Variants in NIN observed in about 807,000 individuals in gnomAD.
NIN encodes ninein, also known as glycogen synthase kinase 3 beta-interacting protein.
In NIN, 137 loss-of-function variants were observed where a neutral mutation model predicts 257.6. That is an observed-to-expected ratio of 0.53 (90% CI 0.46 to 0.61). NIN has a LOEUF of 0.61. Ranked by LOEUF, NIN falls within the 20% of genes least tolerant of loss-of-function variation. The probability of loss-of-function intolerance (pLI) is 0.00; values close to 1 mark genes in which losing one functional copy is unlikely to be tolerated. For synonymous variants in NIN, 918 were observed against 919.8 expected (o/e 1.00, Z 0.04); for missense variants, 2,439 against 2,501.2 (o/e 0.98, Z 0.53).
At chr14:50,735,447 T>G in intron 28 of NIN, 69 bp downstream of exon 28, 2 of 1,559,486 alleles carry the variant, frequency 1.3e-6, no homozygotes, top group Non-Finnish European at 1.7e-6. Flanking sequence ...GTCTAGTCTC[T>G]CCCAACAAAT....
intron 5 of NIN, among the ~76,000 whole-genome samples, chr14:50,791,486 C>T (rs925378143): frequency 2.0e-5 from 3 of 150,302 alleles, no homozygotes; most frequent in African/African-American, 7.3e-5. Flanking sequence ...TTGCTTTTCT[C>T]CCTCTCTTCT....
At chr14:50,751,264 G>A (rs35334347) in intron 21 of NIN, among the ~76,000 whole-genome samples, 30,377 of 152,086 alleles carry the variant, frequency 0.2, 3,892 homozygotes, top group South Asian at 0.31. Flanking sequence ...ATATTGTTGC[G>A]GTGGTATCTT....
chr14:50,760,147 T>C lies in NIN; in HGVS notation c.2109A>G (p.Gln703=). Residue 703 remains glutamine, a synonymous_variant, in exon 17 of 31, where the codon CAA becomes CAG. Coordinates refer to ENST00000530997, the MANE Select transcript of NIN (RefSeq NM_020921.4). ...ATCRHEEEKK[Q]LQVKLEEEKT... ...TTTCCTCCTCAAGCTTCACTTGCAG[T>C]TGTTTTTTCTCCTCCTCATGCCTGC... The C allele has an allele frequency of 6.2e-7, 1 of 1,614,204 alleles. No homozygotes were observed. Among genetic ancestry groups the C allele is most frequent in the Non-Finnish European group, 8.5e-7 (1 of 1,180,034 alleles).
chr14:50,722,744 C>T lies in NIN; in HGVS notation c.*719G>A, dbSNP rs1300455480. Reference sequence around the variant, plus strand: ...TGGCTTTATCCGTTTCTTAGAAGACCAGCTCCCCAAATGAAACTTTTAAGA... The same window carrying T: ...TGGCTTTATCCGTTTCTTAGAAGACTAGCTCCCCAAATGAAACTTTTAAGA... On this transcript the variant is annotated 3_prime_UTR_variant, in exon 31 of 31. Coordinates refer to ENST00000530997, the MANE Select transcript of NIN (RefSeq NM_020921.4). 6 of 214,500 alleles carry T rather than the reference C, an allele frequency of 2.8e-5. No individual in the cohort carries two copies. The highest frequency in any genetic ancestry group is 4.7e-5 in the Non-Finnish European group (5 of 106,044). 13.3% of individuals were successfully genotyped at this position (214,500 alleles called of 1,614,324 possible). A position where few individuals can be genotyped will look rare whatever the true frequency, so the allele number is the denominator to read the frequency against.
intron 12 of NIN, among the ~76,000 whole-genome samples, chr14:50,768,192 CAGTATATTTTT>C (rs1186245108): frequency 2.6e-5 from 4 of 151,594 alleles, no homozygotes; most frequent in Admixed American, 2.6e-4. Flanking sequence ...AATACAGAGC[CAGTATATTTTT>C]AGTATATTCT....
intron 27 of NIN, among the ~76,000 whole-genome samples, chr14:50,737,612 C>T (rs936767220): frequency 2.1e-5 from 3 of 141,376 alleles, no homozygotes; most frequent in South Asian, 2.3e-4. Flanking sequence ...TAATTGCCTT[C>T]TTTAAGAAGC....
In NIN at chr14:50,726,028, T is replaced by A. The variant is rs2040396152; in HGVS notation, c.6117A>T (p.Arg2039=). ...QEQLVTVMEE[R]MIEVEQKLKL... is the part of the protein sequence containing the mutation. ...TCAGTTTCTGTTCAACTTCTATCAT[T>A]CGTTCCTCCATGACAGTTACCAGTT... The change falls in exon 30 of 31, where the codon CGA becomes CGT. Residue 2039 remains arginine, a synonymous_variant. Coordinates refer to ENST00000530997, the MANE Select transcript of NIN (RefSeq NM_020921.4). 6.2e-7 allele frequency: 1 copy of A among 1,614,096 alleles called. No individual in the cohort carries two copies.
Position 50,743,319 on chromosome 14 carries a change from C to T in NIN, c.5301+97G>A, listed in dbSNP as rs140153133. ...AATTGAATCATTTGGAACCCTCTTA[C>T]GCTACTTCTACCTGGAACACTCTTT... On this transcript the variant is annotated intron_variant, in intron 24 of 30. Transcript: ENST00000530997. The T allele has an allele frequency of 1.6e-4, 129 of 789,610 alleles. No individual in the cohort carries two copies. The East Asian group carries it at 1.9e-3, about 12-fold the overall frequency. The allele number at this position is 789,610 out of a possible 1,614,324, so 48.9% of individuals were successfully genotyped here. A position where few individuals can be genotyped will look rare whatever the true frequency, so the allele number is the denominator to read the frequency against.
intron 5 of NIN, 110 bp downstream of exon 5, chr14:50,792,602 G>A (rs1030845060): frequency 3.1e-5 from 36 of 1,149,114 alleles, no homozygotes; most frequent in Non-Finnish European, 4.3e-5. Flanking sequence ...TGGTAACTGA[G>A]AAAAGCCCAC....
intron 3 of NIN, among the ~76,000 whole-genome samples, chr14:50,815,188 T>C (rs1397185846): frequency 6.6e-6 from 1 of 152,042 alleles, no homozygotes; most frequent in Non-Finnish European, 1.5e-5. Context: ...CTTAAACACA[T>C]TTACAAGAAA....
intron 4 of NIN, among the ~76,000 whole-genome samples, chr14:50,800,886 G>T (rs1024107459): frequency 6.6e-6 from 1 of 151,588 alleles, no homozygotes; most frequent in Non-Finnish European, 1.5e-5. Flanking sequence ...GGGTTCAACC[G>T]ATTCTTCTGC....
intron 14 of NIN, 148 bp downstream of exon 14, chr14:50,766,159 G>A: frequency 1.6e-6 from 1 of 642,522 alleles, no homozygotes; most frequent in Non-Finnish European, 2.7e-6. Flanking sequence ...TTTGTGGTGG[G>A]TACTTTTATT....
intron 2 of NIN, among the ~76,000 whole-genome samples, chr14:50,828,911 C>G (rs1171981723): frequency 2.0e-5 from 3 of 152,102 alleles, no homozygotes; most frequent in Non-Finnish European, 4.4e-5. Context: ...AAAAAAGAAC[C>G]CCACGCCATT....
chr14:50,738,091 G>A (rs372190133), intron 27 of NIN, 49 bp downstream of exon 27: 45 of 1,579,978 alleles, frequency 2.8e-5, no homozygotes, highest in South Asian at 2.7e-4. Context: ...ACTTAAGAAC[G>A]CATTATAGTG....
chr14:50,779,583 C>T (rs1029888514), intron 5 of NIN, among the ~76,000 whole-genome samples: 2 of 152,064 alleles, frequency 1.3e-5, no homozygotes, highest in Non-Finnish European at 2.9e-5. Context: ...ACAATGAAAC[C>T]CCATCTCTAC....
intron 5 of NIN, among the ~76,000 whole-genome samples, chr14:50,784,387 T>C (rs1239694096): frequency 6.6e-6 from 1 of 152,226 alleles, no homozygotes; most frequent in African/African-American, 2.4e-5. Flanking sequence ...TTGGCCAAGT[T>C]ACTTACCCTC....
chr14:50,817,279 A>G (rs887000873), intron 3 of NIN, among the ~76,000 whole-genome samples: 1 of 152,240 alleles, frequency 6.6e-6, no homozygotes, highest in Admixed American at 6.5e-5. Context: ...AATTTTGCAT[A>G]CAGAGAACAA....
At chr14:50,770,345 T>C (rs1052824010) in intron 12 of NIN, 43 bp downstream of exon 12, 2 of 1,585,380 alleles carry the variant, frequency 1.3e-6, no homozygotes, top group African/African-American at 1.4e-5. Flanking sequence ...CCACGTGGTG[T>C]TCCCGGCAGG....
chr14:50,808,668 T>C (rs1420272046), intron 3 of NIN, among the ~76,000 whole-genome samples: 1 of 152,146 alleles, frequency 6.6e-6, no homozygotes, highest in Non-Finnish European at 1.5e-5. Context: ...GACACAGTAG[T>C]GAATGAGAGT....
Sources: gnomAD v4.1 joint callset for allele counts (sites outside exome capture counted in the v4.1 genomes callset) on GRCh38, gnomAD v4.1.1 for gene constraint, MANE v1.5 for transcripts, NCBI Gene and HGNC (gene_info 2026-07-23, HGNC 2026-07-21) for gene names.